The following LSP1 variants were observed in gnomAD, a reference collection of about 807,000 sequenced individuals.
The protein encoded by LSP1 is lymphocyte specific protein 1, also known as lymphocyte-specific protein 1.
LSP1 carries 32 observed loss-of-function variants against 49.3 expected under a neutral mutation model. The ratio of observed to expected loss-of-function variants is 0.65; its 90% CI spans 0.49 to 0.87. LSP1 has a LOEUF of 0.87. Among genes scored for constraint, LSP1 ranks in the 40% least tolerant of loss-of-function variants. The probability of loss-of-function intolerance (pLI) is 0.00; values close to 1 mark genes in which losing one functional copy is unlikely to be tolerated. For synonymous variants in LSP1, 179 were observed against 178.8 expected, an observed-to-expected ratio of 1.00 and a Z score of -0.01; for missense variants, 428 against 442.6, an observed-to-expected ratio of 0.97 and a Z score of 0.30.
intron 7 of LSP1, among the ~76,000 whole-genome samples, chr11:1,885,910 C>G (rs1304198221): frequency 2.6e-5 from 4 of 152,146 alleles, no homozygotes. Flanking sequence ...CAATACTCCT[C>G]CATCCAACCA....
intron 1 of LSP1, chr11:1,869,351 GA>G (rs1477996774): frequency 1.6e-5 from 5 of 303,866 alleles, no homozygotes; most frequent in Non-Finnish European, 3.3e-5. Context: ...ACAGAGAAAA[GA>G]AAGAAAGAAA....
At chr11:1,870,903 C>T in intron 1 of LSP1, 1 of 985,956 alleles carries the variant, frequency 1.0e-6, no homozygotes, top group East Asian at 1.1e-4. Flanking sequence ...TCCCAGCTGG[C>T]CCAGGCGCCG....
At position 1,890,101 on chromosome 11, in the gene LSP1, G is replaced by A. The variant is rs548512157; in HGVS notation, c.*14-1672G>A. 266 of 716,616 alleles carry A rather than the reference G, an allele frequency of 3.7e-4. 1 individual carries two copies. In the African/African-American group the frequency reaches 4.3e-3, roughly 12 times the overall value. 44.4% of individuals were successfully genotyped at this position (716,616 alleles called of 1,614,324 possible). ...ACAGGGACGAAGCCACTGGGGGGCCGGGTAGGTTCTGGGGCCGAGGCTACA... is the reference window on the plus strand; with the variant it reads ...ACAGGGACGAAGCCACTGGGGGGCCAGGTAGGTTCTGGGGCCGAGGCTACA... On this transcript the variant is annotated intron_variant, in intron 10 of 10. Coordinates refer to ENST00000311604, the MANE Select transcript of LSP1 (RefSeq NM_002339.3).
intron 1 of LSP1, among the ~76,000 whole-genome samples, chr11:1,878,208 C>T (rs1283097299): frequency 6.6e-6 from 1 of 152,118 alleles, no homozygotes; most frequent in African/African-American, 2.4e-5. Context: ...GGAACCCCTC[C>T]ACCTCCTCAA....
At chr11:1,869,793 G>A in intron 1 of LSP1, 1 of 317,580 alleles carries the variant, frequency 3.1e-6, no homozygotes, top group South Asian at 1.7e-5. Flanking sequence ...CCACAGAGGA[G>A]GGGGCGTGGG....
intron 1 of LSP1, chr11:1,869,369 G>A: frequency 3.2e-6 from 1 of 311,314 alleles, no homozygotes; most frequent in Non-Finnish European, 6.4e-6. Context: ...GAAAGCGAAG[G>A]CACGAGAAAG....
chr11:1,865,446 CCT>C (rs4047075), intron 1 of LSP1, among the ~76,000 whole-genome samples: 31,995 of 151,696 alleles, frequency 0.21, 3,595 homozygotes, highest in South Asian at 0.4. Flanking sequence ...CTGCTTGAGG[CCT>C]CTCTTCCTCC....
At chr11:1,872,721 G>T (rs1443654665) in intron 1 of LSP1, among the ~76,000 whole-genome samples, 3 of 117,764 alleles carry the variant, frequency 2.5e-5, no homozygotes. Context: ...ACCCTGGCCT[G>T]CGCTGGTAGA....
chr11:1,879,029 A>C (rs1848428929), intron 1 of LSP1, among the ~76,000 whole-genome samples: 1 of 151,988 alleles, frequency 6.6e-6, no homozygotes, highest in Admixed American at 6.6e-5. Context: ...GCACTCCCTT[A>C]CCTCAGTTTC....
chr11:1,859,858 T>A (rs991664588), intron 1 of LSP1, among the ~76,000 whole-genome samples: 1 of 152,108 alleles, frequency 6.6e-6, no homozygotes, highest in African/African-American at 2.4e-5. Context: ...CCTCTTTAAA[T>A]CACAGACATT....
At chr11:1,889,019 C>G (rs1848870709) in intron 10 of LSP1, 2 of 568,718 alleles carry the variant, frequency 3.5e-6, no homozygotes. Context: ...CCCAGGCTGC[C>G]CTGCACCCCA....
At chr11:1,877,247 G>A (rs2334383) in intron 1 of LSP1, among the ~76,000 whole-genome samples, 1 of 152,196 alleles carries the variant, frequency 6.6e-6, no homozygotes, top group African/African-American at 2.4e-5. Flanking sequence ...AATAGTGAGG[G>A]GGTGAGGTCA....
At chr11:1,876,667 G>A in intron 1 of LSP1, 1 of 981,192 alleles carries the variant, frequency 1.0e-6, no homozygotes, top group Non-Finnish European at 1.2e-6. Flanking sequence ...GGAGTGCTGG[G>A]CCGAGGATGG....
At position 1,877,149 on chromosome 11, in the gene LSP1, G is replaced by A. The variant is rs866158042; in HGVS notation, c.54-2938G>A. 2.0e-5 allele frequency among the ~76,000 whole-genome samples: 3 copies of A among 152,266 alleles called. No homozygotes were observed. The Middle Eastern group carries it at 0.01, about 518-fold the overall frequency. On this transcript the variant is annotated intron_variant, in intron 1 of 10. Transcript: ENST00000311604. The stretch of plus-strand genomic sequence containing the variant: ...TGCCAAGGGGCCTGGGCCGCTGGCC[G>A]GGGGGCGCCTTTCCCAGGCCAGAGG...
At chr11:1,876,558 G>C in intron 1 of LSP1, 1 of 985,610 alleles carries the variant, frequency 1.0e-6, no homozygotes, top group Non-Finnish European at 1.2e-6. Context: ...GGGTGGGGCA[G>C]CCACAGGAGC....
At chr11:1,880,567 A>C (rs1302569995) in intron 2 of LSP1, 1 of 240,658 alleles carries the variant, frequency 4.2e-6, no homozygotes, top group Non-Finnish European at 8.0e-6. Flanking sequence ...GCCACGTCCA[A>C]CTTGGCGGCC....
chr11:1,857,029 A>G (rs190114326), intron 1 of LSP1, among the ~76,000 whole-genome samples: 127 of 152,250 alleles, frequency 8.3e-4, no homozygotes, highest in Non-Finnish European at 1.5e-3. Flanking sequence ...TGATGTCTGG[A>G]CCCAGGATCC....
intron 3 of LSP1, among the ~76,000 whole-genome samples, chr11:1,882,713 GCC>G (rs1848596517): frequency 3.9e-5 from 6 of 152,210 alleles, no homozygotes; most frequent in Admixed American, 3.9e-4. Context: ...CTCCTGAATG[GCC>G]CCTCTGTGTG....
In LSP1 at chr11:1,865,663, G is replaced by A. The variant is rs564649606; in HGVS notation, c.53+12466G>A. 3.6e-4 allele frequency among the ~76,000 whole-genome samples: 51 copies of A among 142,798 alleles called. No individual in the cohort carries two copies. In the East Asian group the frequency reaches 4.3e-3, roughly 12 times the overall value. 93.7% of individuals were successfully genotyped at this position (142,798 alleles called of 152,430 possible). A position where few individuals can be genotyped will look rare whatever the true frequency, so the allele number is the denominator to read the frequency against. The stretch of plus-strand genomic sequence containing the variant: ...GACTGCACTGTCACCCGCTCACGCC[G>A]TCCCACCTGCACCGCCGGCTGCACT... On this transcript the variant is annotated intron_variant, in intron 1 of 10. Coordinates refer to ENST00000311604, the MANE Select transcript of LSP1 (RefSeq NM_002339.3).
Sources: gnomAD v4.1 joint callset for allele counts (sites outside exome capture counted in the v4.1 genomes callset) on GRCh38, gnomAD v4.1.1 for gene constraint, MANE v1.5 for transcripts, NCBI Gene and HGNC (gene_info 2026-07-23, HGNC 2026-07-21) for gene names.